MESP1: variants seen among roughly 807,000 people sequenced by gnomAD.
The protein encoded by MESP1 is mesoderm posterior bHLH transcription factor 1.
Under a neutral mutation model 15.2 loss-of-function variants are expected in MESP1, and 22 were observed. The ratio of observed to expected loss-of-function variants is 1.45; its 90% CI spans 1.04 to 2.07. The LOEUF (loss-of-function observed/expected upper bound fraction) is 2.07, where lower values mean the gene tolerates loss of function less well. MESP1 is among the 30% of genes most tolerant of loss of function. The pLI is 0.00. For synonymous variants in MESP1, 216 were observed against 192.6 expected (o/e 1.12, Z -1.01); for missense variants, 484 against 411.9 (o/e 1.17, Z -1.51).
downstream of MESP1, among the ~76,000 whole-genome samples, chr15:89,744,900 G>A (rs1386488535): frequency 5.9e-5 from 9 of 152,166 alleles, no homozygotes; most frequent in African/African-American, 1.9e-4. Flanking sequence ...CAATAGTGCC[G>A]GCAAAGCCCT....
chr15:89,747,064 A>G (rs2141750173), downstream of MESP1, among the ~76,000 whole-genome samples: 1 of 145,730 alleles, frequency 6.9e-6, no homozygotes. Flanking sequence ...ACACACACAC[A>G]CAGCCCCGCC....
chr15:89,732,899 C>G, the MESP1 span: 2 of 1,059,940 alleles, frequency 1.9e-6, no homozygotes, highest in Non-Finnish European at 2.9e-6. Flanking sequence ...TTGATTTTGC[C>G]TTCACATCCT....
the MESP1 span, among the ~76,000 whole-genome samples, chr15:89,734,195 C>A: frequency 6.6e-6 from 1 of 152,182 alleles, no homozygotes; most frequent in Non-Finnish European, 1.5e-5. Context: ...TAACAAACCA[C>A]CCCAAAACTT....
the MESP1 span, chr15:89,738,239 A>G: frequency 6.3e-6 from 10 of 1,598,632 alleles, no homozygotes; most frequent in Admixed American, 1.7e-4. Context: ...CAGAAGAGGT[A>G]AAGAGCTCTG....
At position 89,750,523 on chromosome 15, in the gene MESP1, T is replaced by C. The variant is rs1185480224; in HGVS notation, c.709A>G (p.Ser237Gly). The change falls in exon 1 of 2, where the codon AGC (serine) becomes GGC (glycine). Residue 237 changes from serine (S) to glycine (G), a missense_variant. Coordinates refer to ENST00000300057, the MANE Select transcript of MESP1 (RefSeq NM_018670.4). ...ACPEGQAMEP[S>G]PPSPLLPGDV... is the part of the protein sequence containing the mutation. ...GGGACACTAACCGGGGACGGTGGGC[T>C]TGGCTCCATCGCCTGCCCTTCAGGG... 1 of 1,500,280 alleles carries C rather than the reference T, an allele frequency of 6.7e-7. No homozygotes were observed. The highest frequency in any genetic ancestry group is 1.3e-5 in the South Asian group (1 of 75,998). 92.9% of individuals were successfully genotyped at this position (1,500,280 alleles called of 1,614,324 possible).
At chr15:89,739,545 A>G in the MESP1 span, among the ~76,000 whole-genome samples, 2 of 152,162 alleles carry the variant, frequency 1.3e-5, no homozygotes, top group African/African-American at 4.8e-5. Context: ...GCCATTCTGG[A>G]GAAATAGGTG....
downstream of MESP1, among the ~76,000 whole-genome samples, chr15:89,746,689 A>G (rs1043857004): frequency 3.6e-5 from 5 of 138,372 alleles, no homozygotes; most frequent in African/African-American, 1.4e-4. Flanking sequence ...GCACCTCCAC[A>G]CACACACACA....
At chr15:89,745,990 C>T (rs72754539), downstream of MESP1, among the ~76,000 whole-genome samples, 39,271 of 149,360 alleles carry the variant, frequency 0.26, 5,451 homozygotes, top group Middle Eastern at 0.38. This position sits in a 1 kb window ranked among gnomAD's most constrained non-coding sequence, Gnocchi z 4.8. Context: ...CACACCTCCA[C>T]GCATACACAC....
the MESP1 span, chr15:89,733,238 G>T: frequency 6.2e-7 from 1 of 1,605,086 alleles, no homozygotes. Context: ...CTTGAGGGTG[G>T]GACGGGGTAA....
chr15:89,749,884 T>C lies in MESP1; in HGVS notation c.*260A>G, dbSNP rs796453659. 1.2e-5 allele frequency: 6 copies of C among 490,342 alleles called. No homozygotes were observed. The highest frequency in any genetic ancestry group is 7.7e-5 in the South Asian group (3 of 39,038). 30.4% of individuals were successfully genotyped at this position (490,342 alleles called of 1,614,324 possible). On this transcript the variant is annotated 3_prime_UTR_variant, in exon 2 of 2. Transcript: ENST00000300057. ...AGAAGAAATTGCCAACTGACACCAG[T>C]ACAGTTTATTCACAAATAAATAAAT...
At position 89,749,987 on chromosome 15, in the gene MESP1, G is replaced by A; in HGVS notation, c.*157C>T. 1.4e-6 allele frequency: 1 copy of A among 709,348 alleles called. No individual in the cohort carries two copies. The highest frequency in any genetic ancestry group is 2.5e-6 in the Non-Finnish European group (1 of 400,018). 43.9% of individuals were successfully genotyped at this position (709,348 alleles called of 1,614,324 possible). ...CCTCCATGGAGGGAGGGGCTGAGAA[G>A]GGCCGCCGCGGTGGGGACGGCTCTC... On this transcript the variant is annotated 3_prime_UTR_variant, in exon 2 of 2. Transcript: ENST00000300057.
the MESP1 span, chr15:89,743,290 A>G: frequency 1.2e-6 from 2 of 1,614,172 alleles, no homozygotes; most frequent in East Asian, 2.2e-5. Context: ...TGTGGCCCTC[A>G]GCTATCGGAA....
chr15:89,733,187 C>G, the MESP1 span: 1 of 1,613,980 alleles, frequency 6.2e-7, no homozygotes, highest in East Asian at 2.2e-5. Context: ...CTAGCGGGAC[C>G]CAAGGACCCA....
chr15:89,744,569 T>C, the MESP1 span, among the ~76,000 whole-genome samples: 10 of 152,230 alleles, frequency 6.6e-5, no homozygotes, highest in African/African-American at 9.6e-5. Flanking sequence ...TTGTGAAACA[T>C]AGATGTTATT....
At chr15:89,735,908 G>A in the MESP1 span, among the ~76,000 whole-genome samples, 1 of 152,204 alleles carries the variant, frequency 6.6e-6, no homozygotes, top group Non-Finnish European at 1.5e-5. Flanking sequence ...TGAGCCAGAG[G>A]AGTTGAGAAG....
the MESP1 span, among the ~76,000 whole-genome samples, chr15:89,736,855 A>G: frequency 6.8e-4 from 101 of 149,408 alleles, 1 homozygote; most frequent in Admixed American, 1.5e-3. Flanking sequence ...GCAGTGGTGC[A>G]ATCTTGGCTC....
At chr15:89,742,220 C>T in the MESP1 span, among the ~76,000 whole-genome samples, 1 of 152,004 alleles carries the variant, frequency 6.6e-6, no homozygotes, top group African/African-American at 2.4e-5. Context: ...GACCCCATCT[C>T]TACATCTACA....
chr15:89,748,105 G>A (rs76425810), downstream of MESP1, among the ~76,000 whole-genome samples: 1 of 152,238 alleles, frequency 6.6e-6, no homozygotes, highest in Admixed American at 6.5e-5. Flanking sequence ...GCAGGGAAGG[G>A]GGCTAGCCAA....
At chr15:89,733,655 A>C in the MESP1 span, among the ~76,000 whole-genome samples, 44 of 152,252 alleles carry the variant, frequency 2.9e-4, no homozygotes, top group African/African-American at 1.0e-3. Flanking sequence ...CTAGAACATG[A>C]GCACACTCAA....
Sources: allele counts gnomAD v4.1 joint callset (sites outside exome capture counted in the v4.1 genomes callset), GRCh38; gene constraint gnomAD v4.1.1; non-coding constraint Gnocchi (gnomAD v3.1); transcripts MANE v1.5; gene names NCBI Gene and HGNC (gene_info 2026-07-23, HGNC 2026-07-21).